Variants in NNT observed in about 807,000 individuals in gnomAD.
NNT encodes NAD(P) transhydrogenase, mitochondrial.
NNT carries 50 observed loss-of-function variants against 104.8 expected under a neutral mutation model. That is an observed-to-expected ratio of 0.48 (90% CI 0.38 to 0.60). The LOEUF is 0.60. Ranked by LOEUF, NNT falls within the 20% of genes least tolerant of loss-of-function variation. The probability of loss-of-function intolerance (pLI) is 0.00; values close to 1 mark genes in which losing one functional copy is unlikely to be tolerated. For synonymous variants in NNT, 461 were observed against 490.4 expected (o/e 0.94, Z 0.79); for missense variants, 1,131 against 1,330.7 (o/e 0.85, Z 2.33).
intron 17 of NNT, among the ~76,000 whole-genome samples, chr5:43,672,736 C>T (rs1035311712): frequency 5.9e-5 from 9 of 152,220 alleles, no homozygotes; most frequent in African/African-American, 1.9e-4. Flanking sequence ...GGGTCAGGGA[C>T]CCACTTGAGG....
chr5:43,621,739 G>A (rs971077866), intron 5 of NNT, among the ~76,000 whole-genome samples: 6 of 152,068 alleles, frequency 3.9e-5, no homozygotes, highest in East Asian at 1.9e-4. Flanking sequence ...AAAATGAACC[G>A]GATGATGTGA....
intron 17 of NNT, among the ~76,000 whole-genome samples, chr5:43,672,522 A>C (rs1580088536): frequency 6.6e-6 from 1 of 152,230 alleles, no homozygotes; most frequent in Non-Finnish European, 1.5e-5. Context: ...CCTCAGCTGC[A>C]GGTCTGTTGG....
intron 19 of NNT, among the ~76,000 whole-genome samples, chr5:43,697,532 T>C (rs1742620972): frequency 6.6e-6 from 1 of 152,214 alleles, no homozygotes; most frequent in Non-Finnish European, 1.5e-5. Flanking sequence ...GAGTATCTTT[T>C]CAGCAGCACC....
intron 1 of NNT, 21 bp downstream of exon 1, chr5:43,603,315 G>C (rs1749031344): frequency 6.5e-6 from 1 of 152,838 alleles, no homozygotes; most frequent in Admixed American, 6.5e-5. Context: ...CGGCACTGGC[G>C]GGTGCGGGCA....
At chr5:43,690,105 C>T (rs1055879254) in intron 19 of NNT, among the ~76,000 whole-genome samples, 2 of 152,072 alleles carry the variant, frequency 1.3e-5, no homozygotes, top group East Asian at 3.9e-4. Flanking sequence ...AGGGAATAAT[C>T]GAGGAAAACC....
chr5:43,677,199 G>A (rs1307824301), intron 18 of NNT, among the ~76,000 whole-genome samples: 1 of 152,082 alleles, frequency 6.6e-6, no homozygotes, highest in Non-Finnish European at 1.5e-5. Flanking sequence ...ATCATCAGAT[G>A]GTTGTTGAAG....
intron 16 of NNT, among the ~76,000 whole-genome samples, chr5:43,657,251 A>G (rs1740106592): frequency 6.6e-6 from 1 of 152,256 alleles, no homozygotes. Flanking sequence ...TCAAATAAGT[A>G]TAAAATGAAA....
chr5:43,646,434 C>T (rs565621683), intron 10 of NNT, among the ~76,000 whole-genome samples: 7 of 151,052 alleles, frequency 4.6e-5, no homozygotes, highest in East Asian at 3.9e-4. Context: ...GGACTACAGG[C>T]GCATGCCACC....
intron 8 of NNT, 31 bp from the exon 9 acceptor site, chr5:43,644,580 G>C: frequency 6.4e-7 from 1 of 1,562,802 alleles, no homozygotes; most frequent in Non-Finnish European, 8.7e-7. Context: ...TAGGGTGATA[G>C]ACCTTTTTGA....
chr5:43,644,201 C>T lies in NNT; in HGVS notation c.974C>T (p.Ala325Val). ...TCTTTGATTTTATTAGGTAAAAAAGCTCCAGTTTTATTTAATAAAGAAATG... is the reference window on the plus strand; with the variant it reads ...TCTTTGATTTTATTAGGTAAAAAAGTTCCAGTTTTATTTAATAAAGAAATG... ...ISTALIPGKKAPVLFNKEMIE... is the reference protein window; with the variant it reads ...ISTALIPGKKVPVLFNKEMIE... The change falls in exon 8 of 22, where the codon GCT (alanine) becomes GTT (valine). Residue 325 changes from alanine to valine, a missense_variant. Transcript: ENST00000344920. The T allele has an allele frequency of 6.2e-7, 1 of 1,600,910 alleles. No individual in the cohort carries two copies. Among genetic ancestry groups the T allele is most frequent in the Non-Finnish European group, 8.5e-7 (1 of 1,175,688 alleles).
chr5:43,683,663 A>G (rs772725806), intron 19 of NNT, among the ~76,000 whole-genome samples: 5 of 152,252 alleles, frequency 3.3e-5, no homozygotes, highest in Non-Finnish European at 5.9e-5. Flanking sequence ...CATTTTATTG[A>G]GCTCATTAGC....
At position 43,644,194 on chromosome 5, in the gene NNT, A is replaced by G; in HGVS notation, c.967A>G (p.Lys323Glu). The G allele has an allele frequency of 2.5e-6, 4 of 1,600,400 alleles. No individual in the cohort carries two copies. Among genetic ancestry groups the G allele is most frequent in the Non-Finnish European group, 3.4e-6 (4 of 1,175,146 alleles). The change falls in exon 8 of 22, where the codon AAA becomes GAA. Residue 323 changes from lysine (K) to glutamate (E), a missense_variant and splice_region_variant. Coordinates refer to ENST00000344920, the MANE Select transcript of NNT (RefSeq NM_182977.3). ...GCTGCTTTCTTTGATTTTATTAGGT[A>G]AAAAAGCTCCAGTTTTATTTAATAA... Reference protein sequence around the residue: ...ILISTALIPGKKAPVLFNKEM... With the variant: ...ILISTALIPGEKAPVLFNKEM...
chr5:43,607,114 G>T (rs1357896724), intron 1 of NNT, among the ~76,000 whole-genome samples: 1 of 151,834 alleles, frequency 6.6e-6, no homozygotes, highest in East Asian at 1.9e-4. Flanking sequence ...AGCGATTCTG[G>T]TGCCTCAGCT....
At chr5:43,647,998 A>G (rs1739546069) in intron 10 of NNT, 2 of 779,416 alleles carry the variant, frequency 2.6e-6, no homozygotes, top group Non-Finnish European at 1.9e-6. Flanking sequence ...CTTGCCTGAG[A>G]TGACACAGCT....
chr5:43,686,733 G>A (rs1260028557), intron 19 of NNT, among the ~76,000 whole-genome samples: 2 of 152,208 alleles, frequency 1.3e-5, no homozygotes, highest in African/African-American at 4.8e-5. Flanking sequence ...TAATTGCTGT[G>A]TACATTTATT....
rs140302109 is a variant in NNT, at chr5:43,660,540, A to G, written c.2634+1190A>G. On this transcript the variant is annotated intron_variant, in intron 17 of 21. Coordinates refer to ENST00000344920, the MANE Select transcript of NNT (RefSeq NM_182977.3). ...TAATTTAGACAAGAAAGGGATCTGT[A>G]TTAGTCCATTCTCACACTGCTGTAA... Among the ~76,000 whole-genome samples, 855 of 152,334 alleles carry G rather than the reference A, an allele frequency of 5.6e-3. 6 individuals are homozygous for G. Among genetic ancestry groups the G allele is most frequent in the African/African-American group, 0.019 (776 of 41,568 alleles).
At chr5:43,689,638 T>C (rs1295400722) in intron 19 of NNT, among the ~76,000 whole-genome samples, 7 of 152,174 alleles carry the variant, frequency 4.6e-5, no homozygotes, top group Non-Finnish European at 1.0e-4. Flanking sequence ...GCACCATTTG[T>C]TGAACAGGGT....
In NNT at chr5:43,628,188, C is replaced by T; in HGVS notation, c.777-12C>T. On this transcript the variant is annotated splice_polypyrimidine_tract_variant and intron_variant, in intron 6 of 21. Coordinates refer to ENST00000344920, the MANE Select transcript of NNT (RefSeq NM_182977.3). Reference sequence around the variant, plus strand: ...GAAATAACTACTCTTTCCACTTTAACAATCACCCTAGAGCTGCAGCTTTGG... The same window carrying T: ...GAAATAACTACTCTTTCCACTTTAATAATCACCCTAGAGCTGCAGCTTTGG... 6.6e-7 allele frequency: 1 copy of T among 1,523,678 alleles called. No individual in the cohort carries two copies. Among genetic ancestry groups the T allele is most frequent in the Non-Finnish European group, 8.8e-7 (1 of 1,137,456 alleles). 94.4% of individuals were successfully genotyped at this position (1,523,678 alleles called of 1,614,324 possible). A position where few individuals can be genotyped will look rare whatever the true frequency, so the allele number is the denominator to read the frequency against.
At chr5:43,651,689 C>T in intron 12 of NNT, 50 bp from the exon 13 acceptor site, 1 of 1,589,672 alleles carries the variant, frequency 6.3e-7, no homozygotes, top group Non-Finnish European at 8.6e-7. Context: ...TCATGTTGCT[C>T]AGTGAGCTCA....
Sources: allele counts gnomAD v4.1 joint callset (sites outside exome capture counted in the v4.1 genomes callset), GRCh38; gene constraint gnomAD v4.1.1; transcripts MANE v1.5; gene names NCBI Gene and HGNC (gene_info 2026-07-23, HGNC 2026-07-21).